ICA1L: variants seen among roughly 807,000 people sequenced by gnomAD.
The protein encoded by ICA1L is islet cell autoantigen 1-like protein.
In ICA1L, 50 loss-of-function variants were observed where a neutral mutation model predicts 61.3. That is an observed-to-expected ratio of 0.82 (90% CI 0.65 to 1.03). The LOEUF (loss-of-function observed/expected upper bound fraction) is 1.03, where lower values mean the gene tolerates loss of function less well. Ranked by LOEUF, ICA1L falls within the 50% of genes least tolerant of loss-of-function variation. The pLI is 0.00. For synonymous variants in ICA1L, 161 were observed against 191.3 expected (o/e 0.84, Z 1.31); for missense variants, 508 against 556.7 (o/e 0.91, Z 0.88).
chr2:202,851,487 T>C (rs1421885066), intron 1 of ICA1L, among the ~76,000 whole-genome samples: 1 of 152,234 alleles, frequency 6.6e-6, no homozygotes, highest in East Asian at 1.9e-4. Flanking sequence ...TGCATGTGTC[T>C]TTATAGCAGC....
chr2:202,811,690 A>G, intron 9 of ICA1L, 56 bp downstream of exon 9: 1 of 1,167,024 alleles, frequency 8.6e-7, no homozygotes, highest in South Asian at 1.3e-5. Context: ...GGCTGTGATA[A>G]ACTATTTTGA....
At chr2:202,870,338 T>C (rs1023722291) in intron 1 of ICA1L, among the ~76,000 whole-genome samples, 2 of 152,226 alleles carry the variant, frequency 1.3e-5, no homozygotes, top group Admixed American at 1.3e-4. Flanking sequence ...GGCTGATCTC[T>C]GAGCACCCTT....
chr2:202,785,325 T>C (rs939671269), intron 12 of ICA1L, among the ~76,000 whole-genome samples: 1 of 152,126 alleles, frequency 6.6e-6, no homozygotes, highest in Non-Finnish European at 1.5e-5. Flanking sequence ...AAGCATCTTG[T>C]ATCCCTAATT....
rs1278174080 is a variant in ICA1L, at chr2:202,774,153, C to G, written c.*5380G>C. On this transcript the variant is annotated 3_prime_UTR_variant, in exon 13 of 13. Transcript: ENST00000358299. ...TCATTAATCAATTCATTTGTTGATG[C>G]TTCATATCTGAGCGGCTTCTTGGAG... 3.6e-5 allele frequency: 55 copies of G among 1,525,376 alleles called. No homozygotes were observed. Among genetic ancestry groups the G allele is most frequent in the Non-Finnish European group, 4.7e-5 (53 of 1,123,488 alleles). 94.5% of individuals were successfully genotyped at this position (1,525,376 alleles called of 1,614,324 possible).
intron 12 of ICA1L, among the ~76,000 whole-genome samples, chr2:202,780,671 C>T (rs368661307): frequency 2.6e-5 from 4 of 152,192 alleles, no homozygotes; most frequent in African/African-American, 9.6e-5. Context: ...ATCACAGTAA[C>T]ACCACAGACC....
intron 1 of ICA1L, among the ~76,000 whole-genome samples, chr2:202,843,320 G>C (rs1348330254): frequency 6.6e-6 from 1 of 152,156 alleles, no homozygotes; most frequent in African/African-American, 2.4e-5. Context: ...TCTGGCACTA[G>C]TCAGGGTGCC....
chr2:202,793,210 A>T, intron 10 of ICA1L, among the ~76,000 whole-genome samples: 1 of 152,176 alleles, frequency 6.6e-6, no homozygotes, highest in East Asian at 1.9e-4. Context: ...TTAAAAGTCT[A>T]CACAAAATGA....
chr2:202,841,312 C>G, intron 1 of ICA1L: 2 of 761,664 alleles, frequency 2.6e-6, no homozygotes, highest in Non-Finnish European at 4.8e-6. Flanking sequence ...TTCAGCCTTT[C>G]CAAGCCCAGA....
At chr2:202,842,496 G>A (rs2105873468) in intron 1 of ICA1L, among the ~76,000 whole-genome samples, 1 of 152,238 alleles carries the variant, frequency 6.6e-6, no homozygotes, top group East Asian at 1.9e-4. Context: ...CTACTGGCCT[G>A]TAGGTTTCTC....
intron 1 of ICA1L, chr2:202,869,494 A>G (rs1687632721): frequency 2.0e-5 from 3 of 152,240 alleles, no homozygotes; most frequent in African/African-American, 7.2e-5. Flanking sequence ...AATATAATTT[A>G]AAAAACACAA....
intron 9 of ICA1L, among the ~76,000 whole-genome samples, chr2:202,808,509 G>T (rs543231757): frequency 1.3e-5 from 2 of 152,190 alleles, no homozygotes; most frequent in Non-Finnish European, 2.9e-5. Flanking sequence ...TCTGGGATCT[G>T]CTCTAGGCTG....
In ICA1L at chr2:202,826,915, G is replaced by C. The variant is rs145909926; in HGVS notation, c.163-1148C>G. ...GAAGCCTGAACATTCTATCTGTGGA[G>C]CAGTTTTTATTATTATTTTGATGTT... is the stretch of plus-strand genomic sequence containing the variant. On this transcript the variant is annotated intron_variant, in intron 2 of 12. Coordinates refer to ENST00000358299, the MANE Select transcript of ICA1L (RefSeq NM_001288622.3). 1.5e-3 allele frequency among the ~76,000 whole-genome samples: 221 copies of C among 152,142 alleles called. 2 individuals are homozygous for C. The highest frequency in any genetic ancestry group is 0.012 in the South Asian group (56 of 4,814).
intron 9 of ICA1L, among the ~76,000 whole-genome samples, chr2:202,803,395 G>A (rs1316055762): frequency 2.5e-5 from 2 of 79,552 alleles, no homozygotes; most frequent in Non-Finnish European, 4.4e-5. Flanking sequence ...AGCAAGACTC[G>A]ATCTCAAAAA....
chr2:202,814,874 C>T, intron 7 of ICA1L, 90 bp from the exon 8 acceptor site: 1 of 880,284 alleles, frequency 1.1e-6, no homozygotes, highest in Admixed American at 2.3e-5. Flanking sequence ...TCTAAAGAAC[C>T]ATATGAAATA....
intron 1 of ICA1L, among the ~76,000 whole-genome samples, chr2:202,862,030 A>AT (rs1196849590): frequency 1.3e-5 from 2 of 149,022 alleles, no homozygotes; most frequent in African/African-American, 2.5e-5. Context: ...AGAATACATT[A>AT]TTTTTCCCTA....
At chr2:202,840,819 C>T (rs1284109360) in intron 1 of ICA1L, 1 of 612,774 alleles carries the variant, frequency 1.6e-6, no homozygotes, top group African/African-American at 1.8e-5. Context: ...TTGAGGCCCT[C>T]AATCTCAGCC....
At chr2:202,804,714 A>G (rs1693177852) in intron 9 of ICA1L, among the ~76,000 whole-genome samples, 1 of 152,224 alleles carries the variant, frequency 6.6e-6, no homozygotes, top group Non-Finnish European at 1.5e-5. Flanking sequence ...TTGAGTATAC[A>G]TTCTTCTCAA....
At position 202,773,711 on chromosome 2, in the gene ICA1L, C is replaced by G. The variant is rs1292817869; in HGVS notation, c.*5822G>C. 1.8e-6 allele frequency: 2 copies of G among 1,083,382 alleles called. No homozygotes were observed. The highest frequency in any genetic ancestry group is 1.5e-5 in the African/African-American group (1 of 64,660). The allele number at this position is 1,083,382 out of a possible 1,614,324, so 67.1% of individuals were successfully genotyped here. On this transcript the variant is annotated 3_prime_UTR_variant, in exon 13 of 13. Transcript: ENST00000358299. ...CATTAATATATACAGCATATTGACT[C>G]TAGTTGCATCAGTTATGCATGAAGA...
chr2:202,855,670 T>G (rs1466407557), intron 1 of ICA1L, among the ~76,000 whole-genome samples: 1 of 152,044 alleles, frequency 6.6e-6, no homozygotes, highest in Non-Finnish European at 1.5e-5. Context: ...GAGGCAGTAA[T>G]TAATAGCCTA....
Sources: gnomAD v4.1 joint callset for allele counts (sites outside exome capture counted in the v4.1 genomes callset) on GRCh38, gnomAD v4.1.1 for gene constraint, MANE v1.5 for transcripts, NCBI Gene and HGNC (gene_info 2026-07-23, HGNC 2026-07-21) for gene names.